The following USP6NL variants were observed in gnomAD, a reference collection of about 807,000 sequenced individuals.
USP6NL encodes the protein USP6 N-terminal-like protein.
In USP6NL, 26 loss-of-function variants were observed where a neutral mutation model predicts 61.9. That is an observed-to-expected ratio of 0.42 (90% CI 0.31 to 0.58). The LOEUF (loss-of-function observed/expected upper bound fraction) is 0.58, where lower values mean the gene tolerates loss of function less well. Among genes scored for constraint, USP6NL ranks in the 20% least tolerant of loss-of-function variants. The probability of loss-of-function intolerance (pLI) is 0.16; values close to 1 mark genes in which losing one functional copy is unlikely to be tolerated. For missense variants in USP6NL, 1,114 were observed against 1,034.3 expected (o/e 1.08, Z -1.06); for synonymous variants, 432 against 390.1 (o/e 1.11, Z -1.27).
In USP6NL at chr10:11,553,986, G is replaced by A. The variant is rs1227245086; in HGVS notation, c.5-26419C>T. ...ATATAAGTCATCCAGGTCTGATATG[G>A]GGACTCTAGAGTCTACAAAGATCCA... is the stretch of plus-strand genomic sequence containing the variant. On this transcript the variant is annotated intron_variant, in intron 2 of 14. Coordinates refer to ENST00000609104, the MANE Select transcript of USP6NL (RefSeq NM_014688.5). The surrounding 1 kb of genome is among the most constrained non-coding windows in gnomAD (Gnocchi z 4.8). Among the ~76,000 whole-genome samples the A allele has an allele frequency of 6.6e-6, 1 of 151,932 alleles. No homozygotes were observed. Among genetic ancestry groups the A allele is most frequent in the African/African-American group, 2.4e-5 (1 of 41,334 alleles).
chr10:11,595,310 G>T lies in USP6NL; in HGVS notation c.4+2321C>A, dbSNP rs374980214. On this transcript the variant is annotated intron_variant, in intron 2 of 14. Transcript: ENST00000609104. This position sits in a 1 kb window ranked among gnomAD's most constrained non-coding sequence, Gnocchi z 5.3. ...GGCCCAGGGCAGGACAGAGCAGCAG[G>T]AAGTTTTGTCCTATGGGGAAAACTG... 9.2e-5 allele frequency among the ~76,000 whole-genome samples: 14 copies of T among 152,318 alleles called. 1 individual carries two copies. Among genetic ancestry groups the T allele is most frequent in the African/African-American group, 3.4e-4 (14 of 41,568 alleles).
chr10:11,562,261 CAAAAAAA>C lies in USP6NL; in HGVS notation c.5-34701_5-34695del, dbSNP rs34380932. The stretch of plus-strand genomic sequence containing the variant: ...TGGCGGACAGTGCAAGACTCCATCT[CAAAAAAA>C]AAAAAAAAAAATTGCATTCCCAGGA... On this transcript the variant is annotated intron_variant, in intron 2 of 14. Transcript: ENST00000609104. The surrounding 1 kb of genome is among the most constrained non-coding windows in gnomAD (Gnocchi z 4.8). The C allele has an allele frequency of 1.3e-5, 4 of 317,326 alleles. No homozygotes were observed. Among genetic ancestry groups the C allele is most frequent in the African/African-American group, 1.3e-4 (4 of 31,984 alleles). The allele number at this position is 317,326 out of a possible 1,614,324, so 19.7% of individuals were successfully genotyped here.
intron 2 of USP6NL, 115 bp from the exon 3 acceptor site, chr10:11,527,682 T>A: frequency 1.1e-6 from 1 of 894,374 alleles, no homozygotes; most frequent in Non-Finnish European, 1.7e-6. Flanking sequence ...AAATGACAAA[T>A]CAACAAAATC....
At position 11,562,261 on chromosome 10, in the gene USP6NL, C is replaced by T; in HGVS notation, c.5-34694G>A. 1 of 329,614 alleles carries T rather than the reference C, an allele frequency of 3.0e-6. No individual in the cohort carries two copies. The highest frequency in any genetic ancestry group is 3.9e-6 in the Non-Finnish European group (1 of 253,888). The allele number at this position is 329,614 out of a possible 1,614,324, so 20.4% of individuals were successfully genotyped here. On this transcript the variant is annotated intron_variant, in intron 2 of 14. Coordinates refer to ENST00000609104, the MANE Select transcript of USP6NL (RefSeq NM_014688.5). This position sits in a 1 kb window ranked among gnomAD's most constrained non-coding sequence, Gnocchi z 4.8. The stretch of plus-strand genomic sequence containing the variant: ...TGGCGGACAGTGCAAGACTCCATCT[C>T]AAAAAAAAAAAAAAAAAATTGCATT...
intron 13 of USP6NL, among the ~76,000 whole-genome samples, chr10:11,483,934 T>C (rs994194101): frequency 2.0e-5 from 3 of 152,166 alleles, no homozygotes; most frequent in Non-Finnish European, 4.4e-5. Context: ...CTATCTAAAG[T>C]ATGGATAATC....
At chr10:11,522,335 T>TA (rs1427711571) in intron 4 of USP6NL, among the ~76,000 whole-genome samples, 1 of 152,178 alleles carries the variant, frequency 6.6e-6, no homozygotes, top group Non-Finnish European at 1.5e-5. Context: ...TACAAAGAAC[T>TA]AAGACAGTAG....
intron 2 of USP6NL, chr10:11,564,161 G>T (rs1374996947): frequency 6.6e-6 from 1 of 152,150 alleles, no homozygotes; most frequent in East Asian, 1.9e-4. Context: ...ACTGCATCTG[G>T]TGTTTGCCAA....
Position 11,499,161 on chromosome 10 carries a change from G to A in USP6NL, c.384+1940C>T, listed in dbSNP as rs528464920. 2.0e-5 allele frequency among the ~76,000 whole-genome samples: 3 copies of A among 152,278 alleles called. No individual in the cohort carries two copies. Among genetic ancestry groups the A allele is most frequent in the Non-Finnish European group, 2.9e-5 (2 of 68,016 alleles). On this transcript the variant is annotated intron_variant, in intron 7 of 14. Transcript: ENST00000609104. This position sits in a 1 kb window ranked among gnomAD's most constrained non-coding sequence, Gnocchi z 4.5. ...TTTAGTCCTACTGAAGTTCCAGTTC[G>A]TGGAGGATGTGTGGAGAGAGAGAGA... is the stretch of plus-strand genomic sequence containing the variant.
chr10:11,504,547 T>C (rs1254245290), intron 6 of USP6NL, among the ~76,000 whole-genome samples: 8 of 152,254 alleles, frequency 5.3e-5, no homozygotes, highest in African/African-American at 1.9e-4. Flanking sequence ...TCACACTGTC[T>C]TCTAAAAATT....
At position 11,474,953 on chromosome 10, in the gene USP6NL, G is replaced by A. The variant is rs1591821188; in HGVS notation, c.1078+6817C>T. Among the ~76,000 whole-genome samples, 2 of 152,136 alleles carry A rather than the reference G, an allele frequency of 1.3e-5. No individual in the cohort carries two copies. The highest frequency in any genetic ancestry group is 2.9e-5 in the Non-Finnish European group (2 of 68,028). On this transcript the variant is annotated intron_variant, in intron 14 of 14. Coordinates refer to ENST00000609104, the MANE Select transcript of USP6NL (RefSeq NM_014688.5). This position sits in a 1 kb window ranked among gnomAD's most constrained non-coding sequence, Gnocchi z 4.9. ...TCTCCCGTAAGCACTGAAGTACCCC[G>A]AAGGCTATGGCCATTTACCAAGACT...
intron 1 of USP6NL, among the ~76,000 whole-genome samples, chr10:11,601,193 ACAT>A (rs1838516190): frequency 1.3e-5 from 2 of 152,238 alleles, no homozygotes; most frequent in Admixed American, 6.5e-5. Flanking sequence ...ATGGGTATGC[ACAT>A]CAACAAATAT....
rs1182295347 is a variant in USP6NL, at chr10:11,468,155, T to A, written c.1079-4306A>T. On this transcript the variant is annotated intron_variant, in intron 14 of 14. Transcript: ENST00000609104. The surrounding 1 kb of genome is among the most constrained non-coding windows in gnomAD (Gnocchi z 4.5). ...CATTTTTAATTAATCCATTTATTGA[T>A]TCTTGCCTCAGACAGGCATCATGTT... 6.6e-6 allele frequency among the ~76,000 whole-genome samples: 1 copy of A among 152,214 alleles called. No individual in the cohort carries two copies. Among genetic ancestry groups the A allele is most frequent in the African/African-American group, 2.4e-5 (1 of 41,452 alleles).
chr10:11,558,870 A>G (rs1836819129), intron 2 of USP6NL, among the ~76,000 whole-genome samples: 1 of 152,080 alleles, frequency 6.6e-6, no homozygotes, highest in South Asian at 2.1e-4. Context: ...ACTACAACTA[A>G]CCATAGTTTA....
At position 11,591,554 on chromosome 10, in the gene USP6NL, A is replaced by T. The variant is rs1215247414; in HGVS notation, c.4+6077T>A. Among the ~76,000 whole-genome samples, 1 of 152,174 alleles carries T rather than the reference A, an allele frequency of 6.6e-6. No individual in the cohort carries two copies. Among genetic ancestry groups the T allele is most frequent in the Non-Finnish European group, 1.5e-5 (1 of 68,018 alleles). ...ATTTATGCAAAAAATTAAATCACCA[A>T]ATAAAAGGAAAACAGACTTTCACAG... On this transcript the variant is annotated intron_variant, in intron 2 of 14. Transcript: ENST00000609104. The surrounding 1 kb of genome is among the most constrained non-coding windows in gnomAD (Gnocchi z 4.7).
chr10:11,525,255 G>T lies in USP6NL; in HGVS notation c.155+131C>A, dbSNP rs1835369182. The stretch of plus-strand genomic sequence containing the variant: ...TTGTTAAAAGAAACCTAGGAATTTA[G>T]TATCAAAACGCATATTGTAAGACTA... On this transcript the variant is annotated intron_variant, in intron 4 of 14. Transcript: ENST00000609104. The surrounding 1 kb of genome is among the most constrained non-coding windows in gnomAD (Gnocchi z 5.0). 2 of 617,312 alleles carry T rather than the reference G, an allele frequency of 3.2e-6. No homozygotes were observed. Among genetic ancestry groups the T allele is most frequent in the East Asian group, 7.0e-5 (2 of 28,724 alleles). The allele number at this position is 617,312 out of a possible 1,614,324, so 38.2% of individuals were successfully genotyped here.
Position 11,462,310 on chromosome 10 carries a change from C to T in USP6NL, c.*131G>A. ...GGGGCTGAAGACATTTCCCTGTATTCTTACTACTAACAGACAGGAGAGATG... is the reference window on the plus strand; with the variant it reads ...GGGGCTGAAGACATTTCCCTGTATTTTTACTACTAACAGACAGGAGAGATG... On this transcript the variant is annotated 3_prime_UTR_variant, in exon 15 of 15. Transcript: ENST00000609104. The T allele has an allele frequency of 9.1e-7, 1 of 1,101,200 alleles. No individual in the cohort carries two copies. The highest frequency in any genetic ancestry group is 2.9e-5 in the Admixed American group (1 of 34,996). The allele number at this position is 1,101,200 out of a possible 1,614,324, so 68.2% of individuals were successfully genotyped here. A position where few individuals can be genotyped will look rare whatever the true frequency, so the allele number is the denominator to read the frequency against.
intron 1 of USP6NL, among the ~76,000 whole-genome samples, chr10:11,601,387 G>A (rs529181240): frequency 7.9e-5 from 12 of 152,172 alleles, no homozygotes; most frequent in East Asian, 3.9e-4. Flanking sequence ...CAGTGATGCC[G>A]ATGGTTTCCT....
At chr10:11,550,684 G>A (rs1836447533) in intron 2 of USP6NL, among the ~76,000 whole-genome samples, 1 of 152,096 alleles carries the variant, frequency 6.6e-6, no homozygotes, top group African/African-American at 2.4e-5. Context: ...TGGAACCTGG[G>A]AGGCGGAGGC....
intron 2 of USP6NL, among the ~76,000 whole-genome samples, chr10:11,549,504 A>C (rs1173023283): frequency 6.6e-6 from 1 of 152,170 alleles, no homozygotes; most frequent in Admixed American, 6.5e-5. Flanking sequence ...TATTGGTGAT[A>C]AGCCTTTTCT....
Sources: gnomAD v4.1 joint callset for allele counts (sites outside exome capture counted in the v4.1 genomes callset) on GRCh38, gnomAD v4.1.1 for gene constraint, Gnocchi (gnomAD v3.1) non-coding constraint, MANE v1.5 for transcripts, NCBI Gene and HGNC (gene_info 2026-07-23, HGNC 2026-07-21) for gene names.